C12orf42: variants seen among roughly 807,000 people sequenced by gnomAD.
C12orf42 encodes the protein uncharacterized protein C12orf42.
A neutral mutation model predicts 21.6 loss-of-function variants in C12orf42; 25 were observed. The ratio of observed to expected loss-of-function variants is 1.16; its 90% CI spans 0.84 to 1.62. C12orf42 has a LOEUF of 1.62. Among genes scored for constraint, C12orf42 ranks in the 40% most tolerant of loss-of-function variants. The probability of loss-of-function intolerance (pLI) is 0.00; values close to 1 mark genes in which losing one functional copy is unlikely to be tolerated. For synonymous variants in C12orf42, 174 were observed against 175.0 expected, an observed-to-expected ratio of 0.99 and a Z score of 0.05; for missense variants, 483 against 459.3, an observed-to-expected ratio of 1.05 and a Z score of -0.47.
At chr12:103,326,280 T>C (rs1258839891) in intron 4 of C12orf42, among the ~76,000 whole-genome samples, 7 of 152,170 alleles carry the variant, frequency 4.6e-5, no homozygotes, top group Admixed American at 4.6e-4. Context: ...CAGAACAAGA[T>C]AGGCTTGTCA....
At chr12:103,197,189 G>A in the C12orf42 span, among the ~76,000 whole-genome samples, 1 of 152,164 alleles carries the variant, frequency 6.6e-6, no homozygotes, top group Non-Finnish European at 1.5e-5. Context: ...GGTTTGGCTG[G>A]ATATAAAATT....
chr12:103,402,809 T>C (rs1003047957), intron 2 of C12orf42, among the ~76,000 whole-genome samples: 5 of 152,184 alleles, frequency 3.3e-5, no homozygotes, highest in Non-Finnish European at 5.9e-5. Context: ...CTGAAGGATG[T>C]TGACACGAGA....
the C12orf42 span, among the ~76,000 whole-genome samples, chr12:103,113,013 A>G: frequency 6.6e-6 from 1 of 152,312 alleles, no homozygotes; most frequent in African/African-American, 2.4e-5. Context: ...GAACTTGTAG[A>G]GTCCCAAGGC....
chr12:103,147,427 G>T, the C12orf42 span, among the ~76,000 whole-genome samples: 2 of 151,000 alleles, frequency 1.3e-5, no homozygotes, highest in Non-Finnish European at 2.9e-5. Context: ...AGTGAATGAA[G>T]CATTTTCTAT....
At chr12:103,437,990 C>T (rs1356738660) in intron 2 of C12orf42, among the ~76,000 whole-genome samples, 3 of 150,478 alleles carry the variant, frequency 2.0e-5, no homozygotes, top group Admixed American at 6.7e-5. Flanking sequence ...TGATGAGCAT[C>T]GATGCAAAAA....
the C12orf42 span, among the ~76,000 whole-genome samples, chr12:103,138,465 C>G: frequency 1.3e-5 from 2 of 152,196 alleles, no homozygotes; most frequent in African/African-American, 4.8e-5. Flanking sequence ...CACCTTCTGT[C>G]ATGATTGTAA....
At chr12:103,316,582 C>T (rs949786930) in intron 4 of C12orf42, among the ~76,000 whole-genome samples, 2 of 152,074 alleles carry the variant, frequency 1.3e-5, no homozygotes, top group Admixed American at 6.6e-5. Flanking sequence ...AAAGTAACTG[C>T]TCCTAAAAGA....
At chr12:103,272,026 G>C (rs2035503849) in intron 5 of C12orf42, among the ~76,000 whole-genome samples, 1 of 152,094 alleles carries the variant, frequency 6.6e-6, no homozygotes, top group African/African-American at 2.4e-5. Flanking sequence ...GAAAGATCTA[G>C]ACTGCTCATT....
downstream of C12orf42, among the ~76,000 whole-genome samples, chr12:103,299,149 C>G (rs931439405): frequency 8.6e-5 from 13 of 151,818 alleles, no homozygotes; most frequent in Admixed American, 3.3e-4. Context: ...TAATACAGCT[C>G]TATGTATAAA....
At chr12:103,231,962 T>C in the C12orf42 span, among the ~76,000 whole-genome samples, 16 of 152,348 alleles carry the variant, frequency 1.1e-4, no homozygotes, top group South Asian at 3.3e-3. Context: ...TTCTACATCC[T>C]TGTCAGCATT....
At chr12:103,432,502 G>A (rs1006575729) in intron 2 of C12orf42, among the ~76,000 whole-genome samples, 2 of 152,180 alleles carry the variant, frequency 1.3e-5, no homozygotes, top group African/African-American at 2.4e-5. Context: ...TTGATGTGCT[G>A]AAGAATTCAT....
intron 4 of C12orf42, among the ~76,000 whole-genome samples, chr12:103,284,749 C>T (rs776241505): frequency 3.3e-5 from 5 of 152,332 alleles, no homozygotes; most frequent in Non-Finnish European, 5.9e-5. Flanking sequence ...TCTATGACAA[C>T]TCATGGGTTT....
intron 2 of C12orf42, among the ~76,000 whole-genome samples, chr12:103,417,604 A>T (rs2049473748): frequency 6.6e-6 from 1 of 152,156 alleles, no homozygotes; most frequent in South Asian, 2.1e-4. Context: ...TCCTATCCGC[A>T]TCCAGGTCCC....
At chr12:103,309,189 C>T (rs1593368818) in intron 4 of C12orf42, among the ~76,000 whole-genome samples, 1 of 152,094 alleles carries the variant, frequency 6.6e-6, no homozygotes, top group African/African-American at 2.4e-5. Context: ...GTACAGTTGA[C>T]CCTTGAACTG....
intron 4 of C12orf42, among the ~76,000 whole-genome samples, chr12:103,338,309 C>T (rs144815512): frequency 1.3e-5 from 2 of 152,334 alleles, no homozygotes; most frequent in East Asian, 3.9e-4. Flanking sequence ...AGGACCACAG[C>T]TCTCTAACAG....
At chr12:103,068,934 CATATATATATATATAT>C in the C12orf42 span, among the ~76,000 whole-genome samples, 872 of 48,120 alleles carry the variant, frequency 0.018, 38 homozygotes, top group African/African-American at 0.04. Flanking sequence ...TCTCTCTCCA[CATATATATATATATAT>C]ATATATATAT....
the C12orf42 span, among the ~76,000 whole-genome samples, chr12:103,089,222 C>T: frequency 6.6e-6 from 1 of 150,408 alleles, no homozygotes; most frequent in Non-Finnish European, 1.5e-5. Flanking sequence ...ATCATCTTGA[C>T]AAAAACCTCA....
chr12:103,332,682 A>T (rs939630), intron 4 of C12orf42, among the ~76,000 whole-genome samples: 152,398 of 152,398 alleles, frequency 1, 76,199 homozygotes, highest in Non-Finnish European at 1. Context: ...CGTACTGGGT[A>T]GAATTGTGTC....
intron 3 of C12orf42, among the ~76,000 whole-genome samples, chr12:103,386,611 C>CA (rs1241502316): frequency 3.9e-5 from 6 of 152,242 alleles, no homozygotes; most frequent in South Asian, 2.1e-4. Flanking sequence ...GAGTTTATCA[C>CA]AAAAAAGATT....
Sources: allele counts gnomAD v4.1 joint callset (sites outside exome capture counted in the v4.1 genomes callset), GRCh38; gene constraint gnomAD v4.1.1; transcripts MANE v1.5; gene names NCBI Gene and HGNC (gene_info 2026-07-23, HGNC 2026-07-21).